COBL: variants seen among roughly 807,000 people sequenced by gnomAD.
COBL encodes the protein protein cordon-bleu.
In COBL, 51 loss-of-function variants were observed where a neutral mutation model predicts 98.8. The ratio of observed to expected loss-of-function variants is 0.52; its 90% CI spans 0.41 to 0.65. The LOEUF (loss-of-function observed/expected upper bound fraction) is 0.65. COBL is among the 30% of genes least tolerant of loss of function. The pLI is 0.00. For synonymous variants in COBL, 634 were observed against 651.7 expected (o/e 0.97, Z 0.41); for missense variants, 1,617 against 1,617.5 (o/e 1.00, Z 0.01).
intron 12 of COBL, among the ~76,000 whole-genome samples, chr7:51,019,123 C>T (rs1183041751): frequency 6.6e-6 from 1 of 150,930 alleles, no homozygotes; most frequent in Non-Finnish European, 1.5e-5. Flanking sequence ...CCTGAGGGCC[C>T]CACTTATTAA....
In COBL at chr7:51,267,194, T is replaced by C. The variant is rs543118185; in HGVS notation, c.42-47250A>G. Among the ~76,000 whole-genome samples, 12 of 152,300 alleles carry C rather than the reference T, an allele frequency of 7.9e-5. No individual in the cohort carries two copies. In the South Asian group the frequency reaches 2.5e-3, roughly 32 times the overall value. ...TTCAGTAAATAAAAATCTGAAACCC[T>C]TGTTATTTCTACATTTTTAACAATG... On this transcript the variant is annotated intron_variant, in intron 1 of 12. Transcript: ENST00000265136.
chr7:51,123,115 T>C (rs898015862), intron 6 of COBL, among the ~76,000 whole-genome samples: 21 of 152,182 alleles, frequency 1.4e-4, no homozygotes, highest in African/African-American at 4.8e-4. Context: ...TCTCATAACA[T>C]ACTGTATGAG....
In COBL at chr7:51,059,669, G is replaced by A. The variant is rs1055740310; in HGVS notation, c.1097-15977C>T. Among the ~76,000 whole-genome samples the A allele has an allele frequency of 3.9e-5, 6 of 151,948 alleles. No homozygotes were observed. In the East Asian group the frequency reaches 1.2e-3, roughly 29 times the overall value. ...AGGGGTGGGTGGGAGGGTGAGGGCTGGCCCTGTTCGCATAAATGAGTCCGA... is the reference window on the plus strand; with the variant it reads ...AGGGGTGGGTGGGAGGGTGAGGGCTAGCCCTGTTCGCATAAATGAGTCCGA... On this transcript the variant is annotated intron_variant, in intron 7 of 12. Coordinates refer to ENST00000265136, the MANE Select transcript of COBL (RefSeq NM_015198.5).
chr7:51,083,337 G>T, intron 7 of COBL: 1 of 755,126 alleles, frequency 1.3e-6, no homozygotes, highest in Non-Finnish European at 2.1e-6. Flanking sequence ...CTCAACACCA[G>T]ATCCAGCCAC....
At chr7:51,136,019 A>C in intron 6 of COBL, 139 bp downstream of exon 6, 2 of 1,132,732 alleles carry the variant, frequency 1.8e-6, no homozygotes, top group Non-Finnish European at 2.4e-6. Context: ...CTTTTAAATA[A>C]AGCTTAAATA....
intron 1 of COBL, among the ~76,000 whole-genome samples, chr7:51,243,101 G>A (rs746232117): frequency 2.0e-5 from 3 of 152,180 alleles, no homozygotes; most frequent in Non-Finnish European, 4.4e-5. Context: ...AGCCAGTCCC[G>A]TTGGTCCCAC....
Position 51,016,745 on chromosome 7 carries a change from C to T in COBL, c.*806G>A, listed in dbSNP as rs921077958. On this transcript the variant is annotated 3_prime_UTR_variant, in exon 13 of 13. Transcript: ENST00000265136. ...AGTCATCAGGCTCCGTACACAGGCA[C>T]CGTGGGGGAGGCCTATGTCACTTCA... is the stretch of plus-strand genomic sequence containing the variant. The T allele has an allele frequency of 5.1e-6, 2 of 391,766 alleles. No individual in the cohort carries two copies. The highest frequency in any genetic ancestry group is 9.0e-6 in the Non-Finnish European group (2 of 222,278). 24.3% of individuals were successfully genotyped at this position (391,766 alleles called of 1,614,324 possible). A position where few individuals can be genotyped will look rare whatever the true frequency, so the allele number is the denominator to read the frequency against.
intron 1 of COBL, among the ~76,000 whole-genome samples, chr7:51,301,172 C>T (rs1280876955): frequency 2.0e-5 from 3 of 152,148 alleles, no homozygotes; most frequent in Non-Finnish European, 2.9e-5. Flanking sequence ...CCTGGGCCAC[C>T]CTCCCCTCCT....
In COBL at chr7:51,027,738, CAG is replaced by C; in HGVS notation, c.3356_3357del (p.Ser1119CysfsTer56). On this transcript the variant is annotated frameshift_variant, in exon 10 of 13. Transcript: ENST00000265136. LOFTEE classifies it high-confidence loss of function. ...TTGCGTAGTCTGTCCTTCCCTCCCG[CAG>C]AGTGGATGGCTTCCATCAGGGCAGA... ...LHSALMEAIH[S>X]AGGKDRLRKT... 6.2e-7 allele frequency: 1 copy of C among 1,613,836 alleles called. No individual in the cohort carries two copies. The highest frequency in any genetic ancestry group is 1.1e-5 in the South Asian group (1 of 91,000).
At chr7:51,286,147 C>G (rs930978836) in intron 1 of COBL, among the ~76,000 whole-genome samples, 1 of 151,678 alleles carries the variant, frequency 6.6e-6, no homozygotes, top group Non-Finnish European at 1.5e-5. Flanking sequence ...AGGTATAAAA[C>G]CTTCAGAAGA....
rs180859685 is a variant in COBL, at chr7:51,198,751, C to T, written c.246-5162G>A. 2.0e-3 allele frequency among the ~76,000 whole-genome samples: 300 copies of T among 152,252 alleles called. 4 individuals carry two copies. The highest frequency in any genetic ancestry group is 6.2e-3 in the African/African-American group (258 of 41,538). On this transcript the variant is annotated intron_variant, in intron 2 of 12. Transcript: ENST00000265136. ...CAGGGCACTGGTAAACACACAGGTGCGAGTGACATCAGTAAGACAGTAGAA... is the reference window on the plus strand; with the variant it reads ...CAGGGCACTGGTAAACACACAGGTGTGAGTGACATCAGTAAGACAGTAGAA...
chr7:51,025,497 G>T, intron 11 of COBL, 125 bp from the exon 12 acceptor site: 1 of 943,100 alleles, frequency 1.1e-6, no homozygotes, highest in Non-Finnish European at 1.6e-6. Context: ...GTCATGAGGT[G>T]GAGCCCTCAT....
chr7:51,211,899 C>CA (rs1792472910), intron 2 of COBL, among the ~76,000 whole-genome samples: 1 of 152,134 alleles, frequency 6.6e-6, no homozygotes, highest in Non-Finnish European at 1.5e-5. Flanking sequence ...CTCTCTCTCT[C>CA]TCATCATCTA....
intron 1 of COBL, among the ~76,000 whole-genome samples, chr7:51,279,620 T>C (rs1028597658): frequency 1.3e-5 from 2 of 152,240 alleles, no homozygotes; most frequent in Admixed American, 6.5e-5. Context: ...GATGAACCTC[T>C]GTGGACACAT....
intron 1 of COBL, among the ~76,000 whole-genome samples, chr7:51,287,201 C>T (rs1355332041): frequency 6.6e-6 from 1 of 152,046 alleles, no homozygotes; most frequent in Non-Finnish European, 1.5e-5. Context: ...CCGCAATATA[C>T]CCATGTAACA....
intron 2 of COBL, among the ~76,000 whole-genome samples, chr7:51,207,647 G>A (rs1791885749): frequency 6.6e-6 from 1 of 152,252 alleles, no homozygotes. Flanking sequence ...GGCCGGGCTG[G>A]TCTCCAGCTC....
At chr7:51,207,771 A>G (rs1434480516) in intron 2 of COBL, among the ~76,000 whole-genome samples, 5 of 139,590 alleles carry the variant, frequency 3.6e-5, no homozygotes, top group African/African-American at 1.0e-4. Context: ...ACGTGATCTC[A>G]GCTCGCTACA....
At chr7:51,275,168 G>A (rs736686) in intron 1 of COBL, among the ~76,000 whole-genome samples, 47,832 of 152,010 alleles carry the variant, frequency 0.31, 9,245 homozygotes, top group Non-Finnish European at 0.43. Context: ...ATGAGAGAGA[G>A]GGGTCACCCC....
chr7:51,225,418 C>A (rs879290432), intron 1 of COBL, among the ~76,000 whole-genome samples: 6 of 152,178 alleles, frequency 3.9e-5, no homozygotes, highest in Non-Finnish European at 7.3e-5. Flanking sequence ...GCTGGGCACA[C>A]CCATCGCAGG....
Sources: gnomAD v4.1 joint callset for allele counts (sites outside exome capture counted in the v4.1 genomes callset) on GRCh38, gnomAD v4.1.1 for gene constraint, MANE v1.5 for transcripts, NCBI Gene and HGNC (gene_info 2026-07-23, HGNC 2026-07-21) for gene names.